ANKRD65: variants seen among roughly 807,000 people sequenced by gnomAD.
ANKRD65 encodes the protein ankyrin repeat domain 65, also known as ankyrin repeat domain-containing protein 65.
In ANKRD65, 26 loss-of-function variants were observed where a neutral mutation model predicts 17.2. That is an observed-to-expected ratio of 1.51 (90% CI 1.11 to 2.09). The LOEUF is 2.09. Ranked by LOEUF, ANKRD65 falls within the 30% of genes most tolerant of loss-of-function variation. The probability of loss-of-function intolerance (pLI) is 0.00; values close to 1 mark genes in which losing one functional copy is unlikely to be tolerated. For missense variants in ANKRD65, 621 were observed against 542.2 expected (o/e 1.15, Z -1.44); for synonymous variants, 311 against 272.2 (o/e 1.14, Z -1.40).
intron 2 of ANKRD65, 59 bp from the exon 3 acceptor site, chr1:1,420,651 G>GGCCCCC: frequency 8.0e-7 from 1 of 1,252,864 alleles, no homozygotes; most frequent in East Asian, 3.1e-5. Context: ...ACCCCGCCCT[G>GGCCCCC]CCCCACCCCG....
Position 1,420,334 on chromosome 1 carries a change from G to T in ANKRD65, c.468C>A (p.Ala156=). ...WAAALGHTLL[A]ARLLEAPGPG... The stretch of plus-strand genomic sequence containing the variant: ...GGCCCGGAGCCTCCAGCAGGCGCGC[G>T]GCCAGCAGCGTGTGGCCCAGGGCAG... The change falls in exon 3 of 4, where the codon GCC becomes GCA. Residue 156 remains alanine, a synonymous_variant. Transcript: ENST00000537107. 8.7e-7 allele frequency: 1 copy of T among 1,150,676 alleles called. No individual in the cohort carries two copies. Among genetic ancestry groups the T allele is most frequent in the Non-Finnish European group, 1.1e-6 (1 of 933,526 alleles). 71.3% of individuals were successfully genotyped at this position (1,150,676 alleles called of 1,614,324 possible).
Position 1,420,188 on chromosome 1 carries a change from C to G in ANKRD65, c.614G>C (p.Gly205Ala), listed in dbSNP as rs947344918. 1 of 1,013,274 alleles carries G rather than the reference C, an allele frequency of 9.9e-7. No individual in the cohort carries two copies. Among genetic ancestry groups the G allele is most frequent in the African/African-American group, 1.7e-5 (1 of 57,536 alleles). The allele number at this position is 1,013,274 out of a possible 1,614,324, so 62.8% of individuals were successfully genotyped here. A position where few individuals can be genotyped will look rare whatever the true frequency, so the allele number is the denominator to read the frequency against. The change falls in exon 3 of 4, where the codon GGC (glycine) becomes GCC (alanine). Residue 205 changes from glycine to alanine, a missense_variant. Coordinates refer to ENST00000537107, the MANE Select transcript of ANKRD65 (RefSeq NM_001145210.3). ...CGCAGCGGCAGCCACGAGCAGGGCG[C>G]CGTCCAGGCCCGCGCCGCCGGCCGC... ...LLAAGGAGLD[G>A]ALLVAAAAGR...
At position 1,420,315 on chromosome 1, in the gene ANKRD65, G is replaced by C. The variant is rs1298911785; in HGVS notation, c.487C>G (p.Pro163Ala). 138 of 1,098,378 alleles carry C rather than the reference G, an allele frequency of 1.3e-4. No individual in the cohort carries two copies. Among genetic ancestry groups the C allele is most frequent in the Non-Finnish European group, 1.4e-4 (130 of 904,542 alleles). 68.0% of individuals were successfully genotyped at this position (1,098,378 alleles called of 1,614,324 possible). ...TCCGCTGCCGCGGGTCCCGGGCCCG[G>C]AGCCTCCAGCAGGCGCGCGGCCAGC... ...TLLAARLLEA[P>A]GPGPAAAEAE... Residue 163 changes from proline to alanine, a missense_variant, in exon 3 of 4, where the codon CCG becomes GCG. Coordinates refer to ENST00000537107, the MANE Select transcript of ANKRD65 (RefSeq NM_001145210.3).
In ANKRD65 at chr1:1,420,886, C is replaced by G; in HGVS notation, c.120G>C (p.Gln40His). The G allele has an allele frequency of 6.4e-7, 1 of 1,550,464 alleles. No homozygotes were observed. The highest frequency in any genetic ancestry group is 1.2e-5 in the South Asian group (1 of 84,056). ...GTRTEGPSVV[Q>H]GWGHLLQAVW... ...CGGCCTGGAGCAGGTGCCCCCAGCC[C>G]TGGACAACACTAGGCCCCTCTGTCC... is the stretch of plus-strand genomic sequence containing the variant. The change falls in exon 2 of 4, where the codon CAG becomes CAC. Residue 40 changes from glutamine to histidine, a missense_variant. Gln to His is a conservative substitution (Grantham distance 24). Transcript: ENST00000537107.
In ANKRD65 at chr1:1,420,344, G is replaced by C; in HGVS notation, c.458C>G (p.Thr153Arg). 1 of 1,184,964 alleles carries C rather than the reference G, an allele frequency of 8.4e-7. No individual in the cohort carries two copies. Among genetic ancestry groups the C allele is most frequent in the South Asian group, 2.6e-5 (1 of 38,972 alleles). The allele number at this position is 1,184,964 out of a possible 1,614,324, so 73.4% of individuals were successfully genotyped here. ...PLHWAAALGHTLLAARLLEAP... is the reference protein window; with the variant it reads ...PLHWAAALGHRLLAARLLEAP... ...CTCCAGCAGGCGCGCGGCCAGCAGCGTGTGGCCCAGGGCAGCGGCCCAGTG... is the reference window on the plus strand; with the variant it reads ...CTCCAGCAGGCGCGCGGCCAGCAGCCTGTGGCCCAGGGCAGCGGCCCAGTG... The change falls in exon 3 of 4, where the codon ACG (threonine) becomes AGG (arginine). Residue 153 changes from threonine to arginine, a missense_variant. Transcript: ENST00000537107.
At position 1,419,422 on chromosome 1, in the gene ANKRD65, G is replaced by T; in HGVS notation, c.878C>A (p.Ala293Asp). 6.5e-7 allele frequency: 1 copy of T among 1,549,556 alleles called. No homozygotes were observed. Residue 293 changes from alanine (A) to aspartate (D), a missense_variant, in exon 4 of 4, where the codon GCC (alanine) becomes GAC (aspartate). Ala to Asp is a moderately radical substitution (Grantham distance 126, BLOSUM62 -2). Transcript: ENST00000537107. Reference sequence around the variant, plus strand: ...CAGGGTGTCCCGCGCATCCACCTCGGCCCCCTGGGTGACCAGCAACTGGAC... The same window carrying T: ...CAGGGTGTCCCGCGCATCCACCTCGTCCCCCTGGGTGACCAGCAACTGGAC... ...LAVQLLVTQGAEVDARDTLGL... is the reference protein window; with the variant it reads ...LAVQLLVTQGDEVDARDTLGL...
rs1557757667 is a variant in ANKRD65 at position 1,419,169 on chromosome 1, GT to G, written c.1130del (p.Asp377AlafsTer19). ...WAEVAQMPEG[D>X]LPQALPELGG... ...CAAGTTCAGGCAGCGCCTGGGGCAG[GT>G]CCCCCTCAGGCATCTGGGCCACCTC... On this transcript the variant is annotated frameshift_variant, in exon 4 of 4. Transcript: ENST00000537107. LOFTEE classifies it low-confidence loss of function (END_TRUNC). 1 of 1,544,574 alleles carries G rather than the reference GT, an allele frequency of 6.5e-7. No individual in the cohort carries two copies. The highest frequency in any genetic ancestry group is 2.0e-5 in the Admixed American group (1 of 50,852).
intron 2 of ANKRD65, 44 bp downstream of exon 2, chr1:1,420,753 C>T (rs1645541172): frequency 6.6e-7 from 1 of 1,513,778 alleles, no homozygotes; most frequent in Non-Finnish European, 8.9e-7. Flanking sequence ...CCCATCCTGC[C>T]CCACCCAGAG....
chr1:1,418,734 A>G lies in ANKRD65; in HGVS notation c.*366T>C, dbSNP rs967378433. 15 of 201,496 alleles carry G rather than the reference A, an allele frequency of 7.4e-5. No homozygotes were observed. The highest frequency in any genetic ancestry group is 2.6e-4 in the African/African-American group (11 of 43,098). The allele number at this position is 201,496 out of a possible 1,614,324, so 12.5% of individuals were successfully genotyped here. A position where few individuals can be genotyped will look rare whatever the true frequency, so the allele number is the denominator to read the frequency against. Reference sequence around the variant, plus strand: ...TACTGGGTTTAGGCCAGGCAGGCGCAGGCCTGGTTTCGGGCCTAGCGCCAG... The same window carrying G: ...TACTGGGTTTAGGCCAGGCAGGCGCGGGCCTGGTTTCGGGCCTAGCGCCAG... On this transcript the variant is annotated 3_prime_UTR_variant, in exon 4 of 4. Transcript: ENST00000537107.
In ANKRD65 at chr1:1,420,272, C is replaced by CCG. The variant is rs1203738392; in HGVS notation, c.528_529dup (p.Gly177AlafsTer71). 2.0e-5 allele frequency: 20 copies of CCG among 1,012,450 alleles called. No homozygotes were observed. Among genetic ancestry groups the CCG allele is most frequent in the Non-Finnish European group, 2.2e-5 (19 of 850,378 alleles). The allele number at this position is 1,012,450 out of a possible 1,614,324, so 62.7% of individuals were successfully genotyped here. On this transcript the variant is annotated frameshift_variant, in exon 3 of 4. Transcript: ENST00000537107. LOFTEE classifies it high-confidence loss of function. Reference sequence around the variant, plus strand: ...GGCCGCCCAGTGCGCCGCCGTCCAGCCGCGCGCGTCCTCCGCCTCCGCTGC... The same window carrying CCG: ...GGCCGCCCAGTGCGCCGCCGTCCAGCCGCGCGCGCGTCCTCCGCCTCCGCTGC...
rs1422551208 is a variant in ANKRD65 at position 1,420,163 on chromosome 1, C to G, written c.639G>C (p.Ala213=). ...GGAAGCGCAGCGCCGCCCCGCGCCCCGCAGCGGCAGCCACGAGCAGGGCGC... is the reference window on the plus strand; with the variant it reads ...GGAAGCGCAGCGCCGCCCCGCGCCCGGCAGCGGCAGCCACGAGCAGGGCGC... The part of the protein sequence containing the change: ...LDGALLVAAA[A]GRGAALRFLL... Residue 213 remains alanine (A), a synonymous_variant, in exon 3 of 4, where the codon GCG becomes GCC. Coordinates refer to ENST00000537107, the MANE Select transcript of ANKRD65 (RefSeq NM_001145210.3). 2 of 1,139,456 alleles carry G rather than the reference C, an allele frequency of 1.8e-6. No individual in the cohort carries two copies. The highest frequency in any genetic ancestry group is 2.1e-6 in the Non-Finnish European group (2 of 931,052). 70.6% of individuals were successfully genotyped at this position (1,139,456 alleles called of 1,614,324 possible).
At position 1,420,107 on chromosome 1, in the gene ANKRD65, C is replaced by T; in HGVS notation, c.695G>A (p.Arg232Gln). The T allele has an allele frequency of 3.1e-6, 4 of 1,273,464 alleles. No individual in the cohort carries two copies. The highest frequency in any genetic ancestry group is 4.0e-6 in the Non-Finnish European group (4 of 1,011,794). 78.9% of individuals were successfully genotyped at this position (1,273,464 alleles called of 1,614,324 possible). Reference sequence around the variant, plus strand: ...CAGCGCTGTGGCCCCCGCGCCATCCCGGGCGTCCACCCGCGCCCCGCGCGC... The same window carrying T: ...CAGCGCTGTGGCCCCCGCGCCATCCTGGGCGTCCACCCGCGCCCCGCGCGC... ...LLARGARVDA[R>Q]DGAGATALGL... Residue 232 changes from arginine (R) to glutamine (Q), a missense_variant, in exon 3 of 4, where the codon CGG becomes CAG. Physicochemically the swap from Arg to Gln is conservative, Grantham distance 43. Coordinates refer to ENST00000537107, the MANE Select transcript of ANKRD65 (RefSeq NM_001145210.3).
chr1:1,420,847 A>G lies in ANKRD65; in HGVS notation c.159T>C (p.Pro53=). ...GHLLQAVWRG[P]AGLVTQLLRQ... is the part of the protein sequence containing the mutation. The stretch of plus-strand genomic sequence containing the variant: ...GCAGCAGCTGCGTCACCAGGCCTGC[A>G]GGGCCCCTCCACACGGCCTGGAGCA... Residue 53 remains proline (P), a synonymous_variant, in exon 2 of 4, where the codon CCT becomes CCC. Transcript: ENST00000537107. 6.5e-7 allele frequency: 1 copy of G among 1,549,608 alleles called. No individual in the cohort carries two copies. Among genetic ancestry groups the G allele is most frequent in the Non-Finnish European group, 8.7e-7 (1 of 1,146,910 alleles).
At chr1:1,421,057 C>T in intron 1 of ANKRD65, 52 bp from the exon 2 acceptor site, 4 of 1,518,930 alleles carry the variant, frequency 2.6e-6, no homozygotes, top group Non-Finnish European at 3.6e-6. Context: ...TGGCCTGCCC[C>T]CAGCCGTGTC....
At chr1:1,419,968 G>A in intron 3 of ANKRD65, 84 bp downstream of exon 3, 1 of 1,181,840 alleles carries the variant, frequency 8.5e-7, no homozygotes, top group African/African-American at 1.6e-5. Context: ...CCCCAGCCTG[G>A]CTCCAGCTGC....
At chr1:1,419,955 G>A (rs1645515512) in intron 3 of ANKRD65, 97 bp downstream of exon 3, 2 of 1,159,086 alleles carry the variant, frequency 1.7e-6, no homozygotes, top group Non-Finnish European at 2.2e-6. Flanking sequence ...CCTGGACACC[G>A]TCCCCCAGCC....
rs748017332 is a variant in ANKRD65 at position 1,420,832 on chromosome 1, C to T, written c.174G>A (p.Thr58=). Residue 58 remains threonine (T), a synonymous_variant, in exon 2 of 4, where the codon ACG becomes ACA. Coordinates refer to ENST00000537107, the MANE Select transcript of ANKRD65 (RefSeq NM_001145210.3). ...CGCTGGCACCTTGCCGCAGCAGCTG[C>T]GTCACCAGGCCTGCAGGGCCCCTCC... ...AVWRGPAGLV[T]QLLRQGASVE... 1.7e-5 allele frequency: 26 copies of T among 1,549,088 alleles called. No individual in the cohort carries two copies. Among genetic ancestry groups the T allele is most frequent in the African/African-American group, 6.8e-5 (5 of 73,144 alleles).
rs1645491477 is a variant in ANKRD65, at chr1:1,418,984, T to C, written c.*116A>G. On this transcript the variant is annotated 3_prime_UTR_variant, in exon 4 of 4. Coordinates refer to ENST00000537107, the MANE Select transcript of ANKRD65 (RefSeq NM_001145210.3). ...CTGCAGCTCAAGCCACATCCCCTACTTTCTCCCATCCCCTCCTCCGGAAGC... is the reference window on the plus strand; with the variant it reads ...CTGCAGCTCAAGCCACATCCCCTACCTTCTCCCATCCCCTCCTCCGGAAGC... 21 of 1,222,422 alleles carry C rather than the reference T, an allele frequency of 1.7e-5. No homozygotes were observed. The highest frequency in any genetic ancestry group is 2.3e-5 in the Non-Finnish European group (21 of 895,610). The allele number at this position is 1,222,422 out of a possible 1,614,324, so 75.7% of individuals were successfully genotyped here. A position where few individuals can be genotyped will look rare whatever the true frequency, so the allele number is the denominator to read the frequency against.
At position 1,420,040 on chromosome 1, in the gene ANKRD65, G is replaced by A. The variant is rs934784721; in HGVS notation, c.750+12C>T. ...CCCCTCCCATCACTGCCGGGCGGAG[G>A]GCGGGACGTACCTGGGAGCGGCCTA... On this transcript the variant is annotated intron_variant, in intron 3 of 3. Transcript: ENST00000537107. The A allele has an allele frequency of 1.9e-5, 24 of 1,270,586 alleles. No individual in the cohort carries two copies. Among genetic ancestry groups the A allele is most frequent in the Non-Finnish European group, 2.3e-5 (23 of 1,008,114 alleles). 78.7% of individuals were successfully genotyped at this position (1,270,586 alleles called of 1,614,324 possible). A position where few individuals can be genotyped will look rare whatever the true frequency, so the allele number is the denominator to read the frequency against.
Sources: gnomAD v4.1 joint callset for allele counts on GRCh38, gnomAD v4.1.1 for gene constraint, MANE v1.5 for transcripts, NCBI Gene and HGNC (gene_info 2026-07-23, HGNC 2026-07-21) for gene names.